NFAT5: variants seen among roughly 807,000 people sequenced by gnomAD.
NFAT5 encodes the protein nuclear factor of activated T-cells 5.
In NFAT5, 31 loss-of-function variants were observed where a neutral mutation model predicts 166.5. The observed-to-expected ratio is 0.19, with a 90% CI of 0.14 to 0.25. The LOEUF (loss-of-function observed/expected upper bound fraction) is 0.25. NFAT5 is among the 10% of genes least tolerant of loss of function. The pLI is 1.00. For missense variants in NFAT5, 1,449 were observed against 1,821.8 expected (o/e 0.80, Z 3.72); for synonymous variants, 612 against 639.7 (o/e 0.96, Z 0.65).
At chr16:69,599,244 AGGGT>A (rs1411941876) in intron 2 of NFAT5, among the ~76,000 whole-genome samples, 1 of 152,134 alleles carries the variant, frequency 6.6e-6, no homozygotes, top group Non-Finnish European at 1.5e-5. Context: ...GCACTTTAAA[AGGGT>A]GGAACTTTAT....
chr16:69,568,340 A>ATGTGTGTGTG (rs1289905200), intron 1 of NFAT5, among the ~76,000 whole-genome samples, 155 bp from the exon 2 acceptor site: 25 of 38,456 alleles, frequency 6.5e-4, no homozygotes, highest in African/African-American at 3.8e-3. Context: ...GTGTGTATAT[A>ATGTGTGTGTG]TATATATGTG....
At chr16:69,666,873 A>G (rs1354406016) in intron 7 of NFAT5, among the ~76,000 whole-genome samples, 2 of 152,098 alleles carry the variant, frequency 1.3e-5, no homozygotes, top group Non-Finnish European at 2.9e-5. Flanking sequence ...ACATGCACAC[A>G]TATGTTTATT....
chr16:69,618,938 A>G (rs1356071357), intron 2 of NFAT5, among the ~76,000 whole-genome samples: 1 of 152,182 alleles, frequency 6.6e-6, no homozygotes, highest in Non-Finnish European at 1.5e-5. Flanking sequence ...TTTTTACCAC[A>G]GATATTTATT....
Position 69,692,563 on chromosome 16 carries a change from C to T in NFAT5, c.2738C>T (p.Ala913Val). Residue 913 changes from alanine (A) to valine (V), a missense_variant, in exon 13 of 15, where the codon GCA becomes GTA. Coordinates refer to ENST00000349945, the MANE Select transcript of NFAT5 (RefSeq NM_138713.4). The stretch of plus-strand genomic sequence containing the variant: ...CAGCAAGTGATGGAATCTTCAGCCG[C>T]AATGGTGATGGAGATGCAACAGAGT... ...QQQQVMESSA[A>V]MVMEMQQSIC... 6.2e-7 allele frequency: 1 copy of T among 1,614,140 alleles called. No individual in the cohort carries two copies. Among genetic ancestry groups the T allele is most frequent in the Non-Finnish European group, 8.5e-7 (1 of 1,180,020 alleles).
chr16:69,576,580 C>T (rs2016766049), intron 2 of NFAT5, among the ~76,000 whole-genome samples: 1 of 151,796 alleles, frequency 6.6e-6, no homozygotes, highest in Admixed American at 6.6e-5. Context: ...GATCAAAACA[C>T]CTATGTTGGC....
intron 2 of NFAT5, among the ~76,000 whole-genome samples, chr16:69,571,572 T>C (rs905821595): frequency 2.0e-4 from 31 of 152,170 alleles, no homozygotes; most frequent in African/African-American, 7.5e-4. Flanking sequence ...ATGCATGTTT[T>C]ACATCAGTAG....
chr16:69,593,610 C>T (rs1194653775), intron 2 of NFAT5, among the ~76,000 whole-genome samples: 1 of 152,010 alleles, frequency 6.6e-6, no homozygotes, highest in Non-Finnish European at 1.5e-5. Context: ...CCACCATGCC[C>T]GGCCTAGTTA....
rs189625887 is a variant in NFAT5 at position 69,681,380 on chromosome 16, T to A, written c.1691-3507T>A. Among the ~76,000 whole-genome samples the A allele has an allele frequency of 1.2e-3, 182 of 152,338 alleles. 2 individuals are homozygous for A. In the South Asian group the frequency reaches 0.017, roughly 14 times the overall value. ...ACAAATCATTAAGTGAAATACCTCC[T>A]ATCTTACTTTGACCAAAATACCCTC... On this transcript the variant is annotated intron_variant, in intron 10 of 14. Coordinates refer to ENST00000349945, the MANE Select transcript of NFAT5 (RefSeq NM_138713.4).
intron 2 of NFAT5, among the ~76,000 whole-genome samples, chr16:69,569,263 A>C (rs914611009): frequency 6.6e-6 from 1 of 151,870 alleles, no homozygotes; most frequent in African/African-American, 2.4e-5. Context: ...TTGGAATTGG[A>C]CAGCAAAGGT....
At chr16:69,596,477 T>C (rs2151533570) in intron 2 of NFAT5, among the ~76,000 whole-genome samples, 1 of 152,232 alleles carries the variant, frequency 6.6e-6, no homozygotes, top group East Asian at 1.9e-4. Context: ...CCCAGCACTT[T>C]GGGAGGCTGA....
intron 2 of NFAT5, among the ~76,000 whole-genome samples, chr16:69,622,993 A>G (rs933388413): frequency 1.3e-5 from 2 of 152,132 alleles, no homozygotes; most frequent in Admixed American, 6.6e-5. Context: ...TAAGAATACA[A>G]AATTAGCCAG....
intron 3 of NFAT5, among the ~76,000 whole-genome samples, chr16:69,638,090 G>A (rs2035043926): frequency 1.3e-5 from 2 of 151,990 alleles, no homozygotes; most frequent in South Asian, 4.2e-4. Context: ...ATGGTGGCAG[G>A]CACCTATAAT....
At chr16:69,569,512 C>A (rs906020080) in intron 2 of NFAT5, among the ~76,000 whole-genome samples, 1 of 151,754 alleles carries the variant, frequency 6.6e-6, no homozygotes, top group African/African-American at 2.4e-5. Flanking sequence ...GGAGGTAGTC[C>A]GGGATAGTGG....
chr16:69,611,370 A>AT (rs1225224550), intron 2 of NFAT5, among the ~76,000 whole-genome samples: 1 of 152,248 alleles, frequency 6.6e-6, no homozygotes, highest in Non-Finnish European at 1.5e-5. Context: ...CATTGCTTAC[A>AT]TTCCAGAAAT....
intron 1 of NFAT5, among the ~76,000 whole-genome samples, chr16:69,567,705 T>C (rs1013165214): frequency 2.0e-5 from 3 of 152,168 alleles, no homozygotes; most frequent in African/African-American, 4.8e-5. Context: ...CCAATGACTT[T>C]AGTTGGCAGC....
intron 6 of NFAT5, among the ~76,000 whole-genome samples, chr16:69,659,125 T>A (rs985273074): frequency 4.7e-5 from 7 of 150,420 alleles, no homozygotes; most frequent in South Asian, 2.1e-4. Context: ...AATGTATTTT[T>A]TTATTTTTTT....
chr16:69,694,126 A>G lies in NFAT5; in HGVS notation c.4301A>G (p.Gln1434Arg). ...PGIQGATSSPQPQATLFHNTA... is the reference protein window; with the variant it reads ...PGIQGATSSPRPQATLFHNTA... The stretch of plus-strand genomic sequence containing the variant: ...ATTCAAGGAGCCACATCTTCGCCTC[A>G]ACCACAGGCTACTTTATTTCACAAC... The change falls in exon 13 of 15, where the codon CAA becomes CGA. Residue 1434 changes from glutamine to arginine, a missense_variant. Gln to Arg is a conservative substitution (Grantham distance 43). Transcript: ENST00000349945. The G allele has an allele frequency of 6.2e-7, 1 of 1,614,234 alleles. No individual in the cohort carries two copies. Among genetic ancestry groups the G allele is most frequent in the Non-Finnish European group, 8.5e-7 (1 of 1,180,040 alleles).
intron 2 of NFAT5, among the ~76,000 whole-genome samples, chr16:69,586,115 G>A (rs1358544163): frequency 6.6e-6 from 1 of 152,088 alleles, no homozygotes; most frequent in Non-Finnish European, 1.5e-5. Context: ...ATAATTGTGT[G>A]GTATGTGGAA....
chr16:69,654,483 G>A (rs2035801826), intron 5 of NFAT5, among the ~76,000 whole-genome samples: 2 of 152,116 alleles, frequency 1.3e-5, no homozygotes, highest in Admixed American at 6.5e-5. Context: ...TCAATCCCAG[G>A]ACAGGTAACA....
Sources: allele counts gnomAD v4.1 joint callset (sites outside exome capture counted in the v4.1 genomes callset), GRCh38; gene constraint gnomAD v4.1.1; transcripts MANE v1.5; gene names NCBI Gene and HGNC (gene_info 2026-07-23, HGNC 2026-07-21).